Variants in SLC24A3 observed in about 807,000 individuals in gnomAD.
SLC24A3 encodes solute carrier family 24 member 3.
Under a neutral mutation model 75.8 loss-of-function variants are expected in SLC24A3, and 28 were observed. That is an observed-to-expected ratio of 0.37 (90% CI 0.27 to 0.51). The LOEUF is 0.51. Ranked by LOEUF, SLC24A3 falls within the 20% of genes least tolerant of loss-of-function variation. The pLI, the probability that SLC24A3 is intolerant of heterozygous loss-of-function variation, is 0.94. For synonymous variants in SLC24A3, 372 were observed against 334.1 expected (o/e 1.11, Z -1.24); for missense variants, 663 against 847.8 (o/e 0.78, Z 2.71).
intron 2 of SLC24A3, among the ~76,000 whole-genome samples, chr20:19,303,102 C>T (rs745449384): frequency 1.3e-5 from 2 of 151,716 alleles, no homozygotes; most frequent in African/African-American, 2.4e-5. Context: ...TAGATTATTT[C>T]ATCACCCAGG....
At chr20:19,654,236 G>A in intron 7 of SLC24A3, 100 bp downstream of exon 7, 1 of 1,039,090 alleles carries the variant, frequency 9.6e-7, no homozygotes, top group African/African-American at 1.6e-5. Context: ...GTCACCGGTG[G>A]CGAGTGCGAG....
chr20:19,534,266 G>C (rs1299105268), intron 3 of SLC24A3, among the ~76,000 whole-genome samples: 1 of 152,208 alleles, frequency 6.6e-6, no homozygotes, highest in African/African-American at 2.4e-5. Flanking sequence ...TTTATATCCT[G>C]CCTACCTGTG....
intron 8 of SLC24A3, among the ~76,000 whole-genome samples, chr20:19,672,888 G>A (rs891169248): frequency 6.6e-6 from 1 of 152,172 alleles, no homozygotes; most frequent in African/African-American, 2.4e-5. Context: ...CCATTCTCCA[G>A]TAACCTACCA....
chr20:19,259,942 G>C (rs1188392210), intron 1 of SLC24A3, among the ~76,000 whole-genome samples: 1 of 152,142 alleles, frequency 6.6e-6, no homozygotes, highest in Non-Finnish European at 1.5e-5. Flanking sequence ...TTGAGGGGAA[G>C]ATCATGCCAA....
chr20:19,712,843 A>G (rs2033005319), intron 15 of SLC24A3, among the ~76,000 whole-genome samples: 1 of 152,240 alleles, frequency 6.6e-6, no homozygotes, highest in South Asian at 2.1e-4. Context: ...ACATTGAAGG[A>G]GTCTTTAAAA....
chr20:19,653,167 T>G (rs2032226979), intron 6 of SLC24A3, among the ~76,000 whole-genome samples: 1 of 152,186 alleles, frequency 6.6e-6, no homozygotes, highest in Non-Finnish European at 1.5e-5. Flanking sequence ...AGCCTCAACC[T>G]GACACCCACA....
intron 6 of SLC24A3, among the ~76,000 whole-genome samples, chr20:19,619,244 C>G (rs1364435593): frequency 6.6e-6 from 1 of 152,126 alleles, no homozygotes; most frequent in Non-Finnish European, 1.5e-5. Context: ...TTGGTTTGCT[C>G]TCTCTCTTTT....
chr20:19,692,077 G>T (rs1175019413), intron 12 of SLC24A3, among the ~76,000 whole-genome samples: 2 of 152,084 alleles, frequency 1.3e-5, no homozygotes, highest in Non-Finnish European at 2.9e-5. Context: ...AGATTGGTAG[G>T]ATATATGAAA....
intron 15 of SLC24A3, among the ~76,000 whole-genome samples, chr20:19,702,652 G>A (rs1207674552): frequency 6.6e-6 from 1 of 151,908 alleles, no homozygotes; most frequent in African/African-American, 2.4e-5. Context: ...TTATGCTGGG[G>A]ATACAAACAT....
chr20:19,361,244 T>C (rs574664439), intron 2 of SLC24A3, among the ~76,000 whole-genome samples: 2 of 152,340 alleles, frequency 1.3e-5, no homozygotes, highest in South Asian at 2.1e-4. Context: ...TACATTTATA[T>C]GGAAATGAGG....
At chr20:19,634,769 G>T (rs1469662398) in intron 6 of SLC24A3, among the ~76,000 whole-genome samples, 1 of 151,916 alleles carries the variant, frequency 6.6e-6, no homozygotes, top group Non-Finnish European at 1.5e-5. Context: ...CTGGAAGCCG[G>T]GGGGGACACT....
intron 2 of SLC24A3, among the ~76,000 whole-genome samples, chr20:19,373,943 G>C (rs1986034809): frequency 6.6e-6 from 1 of 152,140 alleles, no homozygotes; most frequent in Non-Finnish European, 1.5e-5. Context: ...CTTCTTTCAG[G>C]TTTTCCTTGA....
At chr20:19,690,016 G>A (rs895588030) in intron 12 of SLC24A3, among the ~76,000 whole-genome samples, 3 of 107,266 alleles carry the variant, frequency 2.8e-5, no homozygotes, top group Non-Finnish European at 5.3e-5. Flanking sequence ...GGACAAAAGA[G>A]TGAGACTCTG....
intron 1 of SLC24A3, among the ~76,000 whole-genome samples, chr20:19,271,911 C>G (rs1386545875): frequency 6.6e-6 from 1 of 152,172 alleles, no homozygotes; most frequent in Non-Finnish European, 1.5e-5. Flanking sequence ...ACCAAAATCT[C>G]ATAAATTACC....
intron 1 of SLC24A3, among the ~76,000 whole-genome samples, chr20:19,277,817 T>G (rs1983530869): frequency 1.3e-5 from 2 of 152,240 alleles, no homozygotes; most frequent in African/African-American, 4.8e-5. Flanking sequence ...TACGGAACCA[T>G]GGAAACTTGG....
chr20:19,424,716 G>A (rs1986970825), intron 2 of SLC24A3, among the ~76,000 whole-genome samples: 1 of 121,288 alleles, frequency 8.2e-6, no homozygotes, highest in Non-Finnish European at 1.6e-5. Flanking sequence ...GCAACAGAGT[G>A]AGACCCTTTC....
chr20:19,473,417 T>C (rs547764610), intron 2 of SLC24A3, among the ~76,000 whole-genome samples: 11 of 152,356 alleles, frequency 7.2e-5, no homozygotes, highest in Admixed American at 5.9e-4. Flanking sequence ...ATAATAACAA[T>C]GATGAAATAG....
chr20:19,714,130 C>T (rs2033018257), intron 15 of SLC24A3, among the ~76,000 whole-genome samples: 1 of 152,174 alleles, frequency 6.6e-6, no homozygotes, highest in African/African-American at 2.4e-5. Context: ...GAGCCAGATG[C>T]CGTGGCTCAT....
intron 8 of SLC24A3, among the ~76,000 whole-genome samples, chr20:19,672,029 G>A (rs2032474539): frequency 6.6e-6 from 1 of 152,128 alleles, no homozygotes; most frequent in East Asian, 1.9e-4. Context: ...CCTTTCAGAT[G>A]CTACCAGGAA....
Sources: gnomAD v4.1 joint callset for allele counts (sites outside exome capture counted in the v4.1 genomes callset) on GRCh38, gnomAD v4.1.1 for gene constraint, MANE v1.5 for transcripts, NCBI Gene and HGNC (gene_info 2026-07-23, HGNC 2026-07-21) for gene names.